GALNT18: variants seen among roughly 807,000 people sequenced by gnomAD.
The protein encoded by GALNT18 is GalNAc-transferase 18.
Under a neutral mutation model 69.5 loss-of-function variants are expected in GALNT18, and 44 were observed. That is an observed-to-expected ratio of 0.63 (90% CI 0.50 to 0.81). The LOEUF is 0.81. Among genes scored for constraint, GALNT18 ranks in the 40% least tolerant of loss-of-function variants. The probability of loss-of-function intolerance (pLI) is 0.00; values close to 1 mark genes in which losing one functional copy is unlikely to be tolerated. For missense variants in GALNT18, 715 were observed against 810.0 expected (o/e 0.88, Z 1.42); for synonymous variants, 364 against 318.2 (o/e 1.14, Z -1.53).
At chr11:11,433,081 T>C (rs1276892771) in intron 2 of GALNT18, among the ~76,000 whole-genome samples, 3 of 152,194 alleles carry the variant, frequency 2.0e-5, no homozygotes, top group Non-Finnish European at 2.9e-5. Flanking sequence ...TAGTCCCTGA[T>C]TGTTTACTGG....
intron 2 of GALNT18, among the ~76,000 whole-genome samples, chr11:11,446,540 G>C (rs1387012258): frequency 6.6e-6 from 1 of 152,076 alleles, no homozygotes; most frequent in Non-Finnish European, 1.5e-5. Context: ...TCCAGACCCA[G>C]GAGTGGTCTC....
intron 1 of GALNT18, among the ~76,000 whole-genome samples, chr11:11,531,511 C>T (rs1857647208): frequency 6.6e-6 from 1 of 152,242 alleles, no homozygotes; most frequent in Non-Finnish European, 1.5e-5. Context: ...GGGAAGGAGG[C>T]CCCTGCCTAT....
intron 10 of GALNT18, among the ~76,000 whole-genome samples, chr11:11,275,936 C>G (rs949990776): frequency 4.6e-5 from 7 of 152,140 alleles, no homozygotes; most frequent in Non-Finnish European, 7.4e-5. Context: ...GTTACTGTAG[C>G]CTTGTAGTAT....
At position 11,432,833 on chromosome 11, in the gene GALNT18, C is replaced by T. The variant is rs1346328072; in HGVS notation, c.429-46G>A. The T allele has an allele frequency of 6.3e-7, 1 of 1,587,148 alleles. No individual in the cohort carries two copies. The highest frequency in any genetic ancestry group is 8.6e-7 in the Non-Finnish European group (1 of 1,161,390). On this transcript the variant is annotated intron_variant, in intron 2 of 10. Transcript: ENST00000227756. This position sits in a 1 kb window ranked among gnomAD's most constrained non-coding sequence, Gnocchi z 5.8. ...CTTAGATTTGTGACTCAGCTGGAGT[C>T]ATCTCAGGAGCTGACCCAGCCCATG...
chr11:11,325,096 G>T (rs1849896390), intron 9 of GALNT18, among the ~76,000 whole-genome samples: 1 of 152,162 alleles, frequency 6.6e-6, no homozygotes, highest in Non-Finnish European at 1.5e-5. Flanking sequence ...TAAAAATAGG[G>T]AACCAACCTG....
At chr11:11,385,359 A>G (rs894194073) in intron 3 of GALNT18, among the ~76,000 whole-genome samples, 5 of 151,022 alleles carry the variant, frequency 3.3e-5, no homozygotes, top group South Asian at 2.1e-4. Flanking sequence ...GCAGTGGTGC[A>G]ATCTCGGCTC....
chr11:11,429,340 C>T (rs757118633), intron 3 of GALNT18, among the ~76,000 whole-genome samples: 7 of 152,218 alleles, frequency 4.6e-5, no homozygotes, highest in Non-Finnish European at 8.8e-5. Flanking sequence ...ATATCTTACC[C>T]TCAGTATTCT....
In GALNT18 at chr11:11,496,669, G is replaced by T. The variant is rs1486868227; in HGVS notation, c.236-47733C>A. Among the ~76,000 whole-genome samples, 2 of 151,556 alleles carry T rather than the reference G, an allele frequency of 1.3e-5. No individual in the cohort carries two copies. The highest frequency in any genetic ancestry group is 4.8e-5 in the African/African-American group (2 of 41,384). Reference sequence around the variant, plus strand: ...GCACCAGGAAGGAAGGGCAGGACCTGCAGGGCAAGCTGATGGGAAACACTG... The same window carrying T: ...GCACCAGGAAGGAAGGGCAGGACCTTCAGGGCAAGCTGATGGGAAACACTG... On this transcript the variant is annotated intron_variant, in intron 1 of 10. Coordinates refer to ENST00000227756, the MANE Select transcript of GALNT18 (RefSeq NM_198516.3). This position sits in a 1 kb window ranked among gnomAD's most constrained non-coding sequence, Gnocchi z 4.0.
chr11:11,456,389 G>A (rs1370448122), intron 1 of GALNT18, among the ~76,000 whole-genome samples: 3 of 152,202 alleles, frequency 2.0e-5, no homozygotes, highest in Non-Finnish European at 4.4e-5. Flanking sequence ...CAGTCCCCAG[G>A]AGGCTACTCA....
chr11:11,329,800 G>C (rs1316055873), intron 8 of GALNT18, among the ~76,000 whole-genome samples: 3 of 152,156 alleles, frequency 2.0e-5, no homozygotes, highest in African/African-American at 7.2e-5. Context: ...CAAATGAATG[G>C]AATCATAGTC....
At chr11:11,441,821 C>A (rs1229152804) in intron 2 of GALNT18, among the ~76,000 whole-genome samples, 1 of 152,158 alleles carries the variant, frequency 6.6e-6, no homozygotes, top group South Asian at 2.1e-4. Flanking sequence ...TTGTGGGGCC[C>A]AGTGCAAAAG....
chr11:11,527,765 A>T (rs1304602514), intron 1 of GALNT18, among the ~76,000 whole-genome samples: 1 of 152,216 alleles, frequency 6.6e-6, no homozygotes, highest in Non-Finnish European at 1.5e-5. Flanking sequence ...AGGCATCTGC[A>T]ATGAGCTGTT....
In GALNT18 at chr11:11,382,685, C is replaced by T. The variant is rs1373498397; in HGVS notation, c.596-3421G>A. 6.6e-6 allele frequency among the ~76,000 whole-genome samples: 1 copy of T among 152,182 alleles called. No individual in the cohort carries two copies. The highest frequency in any genetic ancestry group is 1.5e-5 in the Non-Finnish European group (1 of 68,032). ...CAGGATTTTTGCTGCCCTATCTTTG[C>T]TAAACCTTTGATTTTCTGGTTCAAA... is the stretch of plus-strand genomic sequence containing the variant. On this transcript the variant is annotated intron_variant, in intron 3 of 10. Coordinates refer to ENST00000227756, the MANE Select transcript of GALNT18 (RefSeq NM_198516.3). The surrounding 1 kb of genome is among the most constrained non-coding windows in gnomAD (Gnocchi z 4.3).
At chr11:11,521,529 A>G (rs767579727) in intron 1 of GALNT18, among the ~76,000 whole-genome samples, 8 of 152,156 alleles carry the variant, frequency 5.3e-5, no homozygotes, top group Non-Finnish European at 8.8e-5. Context: ...TCAGGAGGTC[A>G]GAGAGAGTTC....
At chr11:11,400,601 C>T (rs1397988347) in intron 3 of GALNT18, among the ~76,000 whole-genome samples, 1 of 152,216 alleles carries the variant, frequency 6.6e-6, no homozygotes, top group Admixed American at 6.5e-5. Context: ...AAGATGCCAG[C>T]AGATCCAGTG....
chr11:11,526,400 C>T (rs1017476204), intron 1 of GALNT18, among the ~76,000 whole-genome samples: 35 of 152,168 alleles, frequency 2.3e-4, no homozygotes, highest in Non-Finnish European at 7.3e-5. Flanking sequence ...TTTAAAAATG[C>T]AGCGCTGGTC....
chr11:11,352,953 G>A (rs765832767), intron 6 of GALNT18: 42 of 1,614,018 alleles, frequency 2.6e-5, no homozygotes, highest in Non-Finnish European at 3.6e-5. Context: ...GATGTTGATG[G>A]CTTCAAATAC....
chr11:11,302,078 C>T (rs562470145), intron 9 of GALNT18, among the ~76,000 whole-genome samples: 21 of 152,328 alleles, frequency 1.4e-4, no homozygotes, highest in African/African-American at 4.8e-4. Context: ...AGACGCTTGA[C>T]AGTACAATGC....
chr11:11,366,854 T>C (rs1850783271), intron 6 of GALNT18, among the ~76,000 whole-genome samples: 1 of 152,164 alleles, frequency 6.6e-6, no homozygotes, highest in African/African-American at 2.4e-5. Flanking sequence ...CATGTATAGG[T>C]ATTAGGTTCT....
Sources: gnomAD v4.1 joint callset for allele counts (sites outside exome capture counted in the v4.1 genomes callset) on GRCh38, gnomAD v4.1.1 for gene constraint, Gnocchi (gnomAD v3.1) non-coding constraint, MANE v1.5 for transcripts, NCBI Gene and HGNC (gene_info 2026-07-23, HGNC 2026-07-21) for gene names.